The following GAB4 variants were observed in gnomAD, a reference collection of about 807,000 sequenced individuals.
The protein encoded by GAB4 is GRB2-associated-binding protein 4.
GAB4 carries 26 observed loss-of-function variants against 51.3 expected under a neutral mutation model. The observed-to-expected ratio is 0.51, with a 90% confidence interval of 0.37 to 0.70. The LOEUF is 0.70. Ranked by LOEUF, GAB4 falls within the 30% of genes least tolerant of loss-of-function variation. The probability of loss-of-function intolerance (pLI) is 0.00; values close to 1 mark genes in which losing one functional copy is unlikely to be tolerated. For synonymous variants in GAB4, 329 were observed against 291.2 expected (o/e 1.13, Z -1.32); for missense variants, 759 against 734.6 (o/e 1.03, Z -0.38).
At position 17,008,094 on chromosome 22, in the gene GAB4, T is replaced by A; in HGVS notation, c.21A>T (p.Ser7=). 1 of 1,600,310 alleles carries A rather than the reference T, an allele frequency of 6.2e-7. No individual in the cohort carries two copies. Among genetic ancestry groups the A allele is most frequent in the East Asian group, 2.2e-5 (1 of 44,520 alleles). The part of the protein sequence containing the change: MSLPSP[S]PSRELCPPDP... ...CAGGTGGGCACAGCTCCCGGGAGGG[T>A]GAGGGGGACGGCAGGGACATGGGGG... Residue 7 remains serine (S), a synonymous_variant, in exon 1 of 10, where the codon TCA becomes TCT. Coordinates refer to ENST00000400588, the MANE Select transcript of GAB4 (RefSeq NM_001037814.1).
At chr22:16,980,562 G>A (rs1293243853) in intron 3 of GAB4, among the ~76,000 whole-genome samples, 1 of 152,166 alleles carries the variant, frequency 6.6e-6, no homozygotes, top group Non-Finnish European at 1.5e-5. Flanking sequence ...GTTGGTGGGA[G>A]TGTAAATTAG....
chr22:16,986,532 G>A (rs967529519), intron 3 of GAB4, among the ~76,000 whole-genome samples: 2 of 152,192 alleles, frequency 1.3e-5, no homozygotes, highest in African/African-American at 4.8e-5. Flanking sequence ...TTTCCATTCT[G>A]AAGATAAGGA....
chr22:16,994,358 T>C (rs999841084), intron 1 of GAB4, among the ~76,000 whole-genome samples: 1 of 152,192 alleles, frequency 6.6e-6, no homozygotes, highest in African/African-American at 2.4e-5. Flanking sequence ...GACTGAGGCA[T>C]AGCCAGACAG....
chr22:16,982,760 G>T (rs535495589), intron 3 of GAB4, among the ~76,000 whole-genome samples: 2 of 152,316 alleles, frequency 1.3e-5, no homozygotes, highest in Non-Finnish European at 2.9e-5. Flanking sequence ...TTGGGGAAAA[G>T]CTGAGTGTTG....
chr22:16,968,587 C>G (rs1355323909), intron 4 of GAB4, among the ~76,000 whole-genome samples: 1 of 152,132 alleles, frequency 6.6e-6, no homozygotes, highest in Non-Finnish European at 1.5e-5. Flanking sequence ...CCAGTGTTAC[C>G]CACACAGTGT....
At chr22:16,987,421 C>T (rs1441523855) in intron 3 of GAB4, among the ~76,000 whole-genome samples, 1 of 152,228 alleles carries the variant, frequency 6.6e-6, no homozygotes, top group Non-Finnish European at 1.5e-5. Flanking sequence ...GGACATGCTA[C>T]CTATCTTTGC....
intron 2 of GAB4, among the ~76,000 whole-genome samples, chr22:16,989,875 A>G (rs565982083): frequency 6.6e-6 from 1 of 152,306 alleles, no homozygotes; most frequent in Non-Finnish European, 1.5e-5. Flanking sequence ...GTCCTCCCAC[A>G]GCCCCCAGGA....
intron 1 of GAB4, 115 bp downstream of exon 1, chr22:17,007,826 A>T: frequency 1.1e-6 from 1 of 939,682 alleles, no homozygotes; most frequent in Non-Finnish European, 1.6e-6. Context: ...AGACGTGGAG[A>T]AGTCGCCTCC....
rs142801233 is a variant in GAB4, at chr22:16,981,857, T to G, written c.686+6103A>C. ...TATAACAATATATTATAAAGATAAT[T>G]AATCTTGATCAAGTGAGATTCATTT... On this transcript the variant is annotated intron_variant, in intron 3 of 9. Coordinates refer to ENST00000400588, the MANE Select transcript of GAB4 (RefSeq NM_001037814.1). Among the ~76,000 whole-genome samples the G allele has an allele frequency of 4.0e-3, 616 of 152,310 alleles. 1 individual carries two copies. Among genetic ancestry groups the G allele is most frequent in the Middle Eastern group, 0.024 (7 of 294 alleles).
At chr22:16,993,295 T>C (rs1042314883) in intron 1 of GAB4, among the ~76,000 whole-genome samples, 9 of 152,136 alleles carry the variant, frequency 5.9e-5, no homozygotes, top group Admixed American at 2.0e-4. Context: ...GTCTCGGCTA[T>C]TGGAATCACC....
chr22:16,965,069 TC>T, intron 7 of GAB4, 108 bp downstream of exon 7: 1 of 841,910 alleles, frequency 1.2e-6, no homozygotes, highest in South Asian at 1.7e-5. Context: ...ATCAGCCATG[TC>T]CACATCGACA....
Position 16,988,017 on chromosome 22 carries a change from G to T in GAB4, c.629C>A (p.Ala210Glu). Residue 210 changes from alanine (A) to glutamate (E), a missense_variant, in exon 3 of 10, where the codon GCA becomes GAA. Ala to Glu is a moderately radical substitution (Grantham distance 107). Transcript: ENST00000400588. ...GTGCGAGCGGAGACACCCCGGAGGTGCAGGGATGGGCCAGGTGGGCGGCAC... is the reference window on the plus strand; with the variant it reads ...GTGCGAGCGGAGACACCCCGGAGGTTCAGGGATGGGCCAGGTGGGCGGCAC... ...HCVPPTWPIP[A>E]PPGCLRSHQH... 1 of 1,609,546 alleles carries T rather than the reference G, an allele frequency of 6.2e-7. No homozygotes were observed. The highest frequency in any genetic ancestry group is 8.5e-7 in the Non-Finnish European group (1 of 1,178,610).
chr22:17,002,562 G>T (rs2061006178), intron 1 of GAB4, among the ~76,000 whole-genome samples: 1 of 151,666 alleles, frequency 6.6e-6, no homozygotes, highest in Admixed American at 6.6e-5. Flanking sequence ...GCATCATAAT[G>T]ACAGGATCAA....
chr22:16,970,863 G>GA (rs2060725015), intron 3 of GAB4, among the ~76,000 whole-genome samples: 3 of 152,042 alleles, frequency 2.0e-5, no homozygotes, highest in African/African-American at 4.8e-5. Flanking sequence ...AACATCTATA[G>GA]AAAAAATGGT....
chr22:16,962,628 G>A lies in GAB4; in HGVS notation c.*105C>T, dbSNP rs2060638266. On this transcript the variant is annotated 3_prime_UTR_variant, in exon 10 of 10. Transcript: ENST00000400588. ...AAGGATGTATATTGATCAGGCCTCT[G>A]CTCTCTATGTAAGGGATGCGGTCCC... The A allele has an allele frequency of 3.6e-6, 4 of 1,097,704 alleles. No homozygotes were observed. Among genetic ancestry groups the A allele is most frequent in the Admixed American group, 2.4e-5 (1 of 41,230 alleles). 68.0% of individuals were successfully genotyped at this position (1,097,704 alleles called of 1,614,324 possible).
intron 3 of GAB4, among the ~76,000 whole-genome samples, chr22:16,982,981 C>T (rs555974848): frequency 3.4e-4 from 52 of 152,336 alleles, no homozygotes; most frequent in Non-Finnish European, 6.6e-4. Flanking sequence ...GGGCATAAAA[C>T]CCCTAGTGGC....
intron 3 of GAB4, among the ~76,000 whole-genome samples, chr22:16,978,071 AG>A (rs2060794365): frequency 1.8e-5 from 1 of 56,662 alleles, no homozygotes; most frequent in Non-Finnish European, 2.9e-5. Context: ...GGCCCATAAG[AG>A]AAAGCAGGGA....
chr22:16,981,692 G>T (rs1415748223), intron 3 of GAB4, among the ~76,000 whole-genome samples: 1 of 152,150 alleles, frequency 6.6e-6, no homozygotes, highest in Admixed American at 6.5e-5. Flanking sequence ...CCAAACATAT[G>T]AAGAACTAAC....
At chr22:16,988,207 A>C (rs2060884984) in intron 2 of GAB4, 40 bp from the exon 3 acceptor site, 1 of 1,426,732 alleles carries the variant, frequency 7.0e-7, no homozygotes, top group East Asian at 2.3e-5. Context: ...CTTGTCCTAA[A>C]GTGGGCTGCT....
Sources: gnomAD v4.1 joint callset for allele counts (sites outside exome capture counted in the v4.1 genomes callset) on GRCh38, gnomAD v4.1.1 for gene constraint, MANE v1.5 for transcripts, NCBI Gene and HGNC (gene_info 2026-07-23, HGNC 2026-07-21) for gene names.